The following KLRG1 variants were observed in gnomAD, a reference collection of about 807,000 sequenced individuals.
KLRG1 encodes the protein killer cell lectin-like receptor subfamily G member 1.
A neutral mutation model predicts 21.8 loss-of-function variants in KLRG1; 16 were observed. The ratio of observed to expected loss-of-function variants is 0.73; its 90% CI spans 0.50 to 1.11. KLRG1 has a LOEUF of 1.11. Among genes scored for constraint, KLRG1 ranks in the 50% most tolerant of loss-of-function variants. KLRG1 has a pLI of 0.00. For synonymous variants in KLRG1, 69 were observed against 75.9 expected, an observed-to-expected ratio of 0.91 and a Z score of 0.47; for missense variants, 173 against 218.3, an observed-to-expected ratio of 0.79 and a Z score of 1.31.
the KLRG1 span, chr12:9,160,893 C>G: frequency 1.4e-6 from 1 of 739,420 alleles, no homozygotes; most frequent in Admixed American, 2.3e-5. Context: ...CCAGCCTGGG[C>G]GACAGAGCGA....
chr12:9,096,600 G>A, the KLRG1 span, among the ~76,000 whole-genome samples: 1 of 152,188 alleles, frequency 6.6e-6, no homozygotes, highest in African/African-American at 2.4e-5. Flanking sequence ...ATGCTTTCAA[G>A]TCCATTTGAA....
At chr12:8,973,898 G>A (rs1946612751) in intron 1 of KLRG1, among the ~76,000 whole-genome samples, 1 of 151,966 alleles carries the variant, frequency 6.6e-6, no homozygotes, top group Non-Finnish European at 1.5e-5. Context: ...ATTTTTGTAT[G>A]TTGATTTTGT....
At chr12:9,194,565 C>T in the KLRG1 span, among the ~76,000 whole-genome samples, 50 of 151,128 alleles carry the variant, frequency 3.3e-4, no homozygotes, top group Non-Finnish European at 4.6e-4. Flanking sequence ...CCTGGACTCA[C>T]GCCATTCTCC....
At chr12:9,034,558 G>A in the KLRG1 span, among the ~76,000 whole-genome samples, 4 of 151,886 alleles carry the variant, frequency 2.6e-5, no homozygotes, top group South Asian at 4.2e-4. Flanking sequence ...CGATTCTTCC[G>A]CCACAGCCTC....
the KLRG1 span, among the ~76,000 whole-genome samples, chr12:9,094,170 C>T: frequency 6.6e-5 from 10 of 151,934 alleles, no homozygotes; most frequent in Non-Finnish European, 8.8e-5. Flanking sequence ...CATGTTATGA[C>T]AGTGGCTTTG....
At chr12:9,214,095 C>A in the KLRG1 span, among the ~76,000 whole-genome samples, 5 of 151,814 alleles carry the variant, frequency 3.3e-5, no homozygotes, top group Non-Finnish European at 5.9e-5. Context: ...ATTATCCTTT[C>A]CCCATTAAAT....
At chr12:9,109,642 A>C in the KLRG1 span, among the ~76,000 whole-genome samples, 98 of 152,324 alleles carry the variant, frequency 6.4e-4, 3 homozygotes, top group East Asian at 0.017. Flanking sequence ...AGAATGTTTT[A>C]ATTTTGGGGG....
chr12:9,041,551 G>T, the KLRG1 span, among the ~76,000 whole-genome samples: 1 of 152,138 alleles, frequency 6.6e-6, no homozygotes, highest in African/African-American at 2.4e-5. Flanking sequence ...CTGTGGAGCT[G>T]GTGTTGTGTG....
At chr12:8,986,965 T>A (rs529831143), upstream of KLRG1, among the ~76,000 whole-genome samples, 36 of 152,280 alleles carry the variant, frequency 2.4e-4, no homozygotes, top group South Asian at 7.5e-3. Context: ...CCTTCCACCA[T>A]GACTAAGTTT....
chr12:9,023,619 A>C, the KLRG1 span, among the ~76,000 whole-genome samples: 2 of 148,218 alleles, frequency 1.3e-5, no homozygotes, highest in Admixed American at 1.3e-4. Flanking sequence ...GTGCAGTGGC[A>C]CCATCATAGT....
chr12:9,126,248 G>A, the KLRG1 span, among the ~76,000 whole-genome samples: 4 of 152,092 alleles, frequency 2.6e-5, no homozygotes, highest in Admixed American at 6.5e-5. Flanking sequence ...TATTTCATCC[G>A]GTGAATCTCT....
At chr12:9,023,965 C>T in the KLRG1 span, among the ~76,000 whole-genome samples, 1 of 148,874 alleles carries the variant, frequency 6.7e-6, no homozygotes, top group Non-Finnish European at 1.5e-5. Context: ...ATCCTTTTTC[C>T]ATTGAATTCT....
the KLRG1 span, chr12:9,153,397 A>AT: frequency 6.8e-7 from 1 of 1,478,770 alleles, no homozygotes; most frequent in Non-Finnish European, 9.4e-7. Flanking sequence ...GGCATCTGGG[A>AT]TTTTCCCCCA....
At chr12:9,098,390 A>G in the KLRG1 span, 1 of 273,468 alleles carries the variant, frequency 3.7e-6, no homozygotes, top group African/African-American at 2.2e-5. Context: ...GATTCAATAT[A>G]TTGTATTTTG....
the KLRG1 span, chr12:9,106,568 G>T: frequency 2.3e-5 from 36 of 1,590,592 alleles, no homozygotes; most frequent in Non-Finnish European, 2.7e-5. Flanking sequence ...GAAGACCTTG[G>T]TTTTTACTTG....
chr12:9,194,021 A>C, the KLRG1 span: 1 of 1,491,076 alleles, frequency 6.7e-7, no homozygotes, highest in Non-Finnish European at 9.2e-7. Context: ...TCTTCTGAAT[A>C]TATCACTGTT....
the KLRG1 span, among the ~76,000 whole-genome samples, chr12:9,138,808 T>C: frequency 6.6e-6 from 1 of 152,108 alleles, no homozygotes; most frequent in Non-Finnish European, 1.5e-5. Flanking sequence ...TTTTTATTTC[T>C]AAAAGAGCAG....
chr12:9,057,091 G>T, the KLRG1 span, among the ~76,000 whole-genome samples: 2 of 152,152 alleles, frequency 1.3e-5, no homozygotes, highest in East Asian at 1.9e-4. Flanking sequence ...ATTACAGGTA[G>T]TTTTGGCAGT....
the KLRG1 span, among the ~76,000 whole-genome samples, chr12:9,131,672 A>G: frequency 6.6e-6 from 1 of 152,020 alleles, no homozygotes; most frequent in Non-Finnish European, 1.5e-5. Context: ...CAGGTGTTTG[A>G]TAAATATTCA....
Sources: allele counts gnomAD v4.1 joint callset (sites outside exome capture counted in the v4.1 genomes callset), GRCh38; gene constraint gnomAD v4.1.1; transcripts MANE v1.5; gene names NCBI Gene and HGNC (gene_info 2026-07-23, HGNC 2026-07-21).